ZPBP: variants seen among roughly 807,000 people sequenced by gnomAD.
The protein encoded by ZPBP is zona pellucida-binding protein 1.
Under a neutral mutation model 44.8 loss-of-function variants are expected in ZPBP, and 26 were observed. That is an observed-to-expected ratio of 0.58 (90% confidence interval 0.43 to 0.81). ZPBP has a LOEUF of 0.81. Among genes scored for constraint, ZPBP ranks in the 30% least tolerant of loss-of-function variants. The probability of loss-of-function intolerance (pLI) is 0.00; values close to 1 mark genes in which losing one functional copy is unlikely to be tolerated. For synonymous variants in ZPBP, 174 were observed against 153.2 expected, an observed-to-expected ratio of 1.14 and a Z score of -1.00; for missense variants, 409 against 434.0, an observed-to-expected ratio of 0.94 and a Z score of 0.51.
chr7:49,879,963 TTC>T (rs1791599034), intron 2 of ZPBP, among the ~76,000 whole-genome samples: 1 of 152,324 alleles, frequency 6.6e-6, no homozygotes, highest in East Asian at 1.9e-4. Context: ...AATTTCATTC[TTC>T]TCTCTGTTTT....
rs1487833906 is a variant in ZPBP at position 49,983,464 on chromosome 7, C to T, written c.839G>A (p.Arg280His). Residue 280 changes from arginine (R) to histidine (H), a missense_variant, in exon 7 of 8, where the codon CGT (arginine) becomes CAT (histidine). By Grantham distance (29) the Arg-to-His change is conservative. This residue lies in a region of ZPBP where 367 missense variants were observed against 363.1 expected (regional missense o/e 1.01). Transcript: ENST00000046087. ...GTATATTTGAGGTAATTGTTCTGCA[C>T]GTCTGCCAAGAATTTCTACTTGTTG... Reference protein sequence around the residue: ...FNQQVEILGRRAEQLPQIYYI... With the variant: ...FNQQVEILGRHAEQLPQIYYI... 12 of 1,610,704 alleles carry T rather than the reference C, an allele frequency of 7.5e-6. No individual in the cohort carries two copies. The highest frequency in any genetic ancestry group is 1.7e-5 in the Admixed American group (1 of 59,820).
At chr7:49,975,565 A>C (rs1796476299) in intron 7 of ZPBP, among the ~76,000 whole-genome samples, 1 of 152,166 alleles carries the variant, frequency 6.6e-6, no homozygotes, top group African/African-American at 2.4e-5. Context: ...TTCCCAGAAA[A>C]CAAAGTTTTC....
chr7:50,084,521 A>T lies in ZPBP; in HGVS notation c.209-2622T>A, dbSNP rs191346439. Among the ~76,000 whole-genome samples, 451 of 152,060 alleles carry T rather than the reference A, an allele frequency of 3.0e-3. 1 individual carries two copies. Among genetic ancestry groups the T allele is most frequent in the African/African-American group, 9.9e-3 (411 of 41,510 alleles). ...AATATGTAAAAGGCGAACGAGTTAA[A>T]AAGAGGGTCACAAATCTGAAAAGTG... On this transcript the variant is annotated intron_variant, in intron 2 of 7. Transcript: ENST00000046087.
intron 4 of ZPBP, among the ~76,000 whole-genome samples, chr7:50,044,829 C>A (rs912290917): frequency 6.6e-6 from 1 of 152,138 alleles, no homozygotes; most frequent in African/African-American, 2.4e-5. Flanking sequence ...CTGGCATACT[C>A]CTGATATCAA....
intron 1 of ZPBP, among the ~76,000 whole-genome samples, chr7:49,925,240 C>T (rs576468743): frequency 6.6e-6 from 1 of 152,288 alleles, no homozygotes; most frequent in South Asian, 2.1e-4. Context: ...ATAGTATGTA[C>T]AGATATAGTA....
At chr7:49,994,092 CT>C (rs1214025663) in intron 6 of ZPBP, among the ~76,000 whole-genome samples, 2 of 152,236 alleles carry the variant, frequency 1.3e-5, no homozygotes, top group Non-Finnish European at 2.9e-5. Flanking sequence ...AGCCAAACCA[CT>C]GGCGACAGCC....
intron 2 of ZPBP, among the ~76,000 whole-genome samples, chr7:49,854,322 C>T (rs1319818328): frequency 6.6e-6 from 1 of 152,198 alleles, no homozygotes; most frequent in Non-Finnish European, 1.5e-5. Flanking sequence ...AGTTTACAGT[C>T]CCACCAACAA....
At chr7:50,015,870 T>G (rs952273531) in intron 6 of ZPBP, among the ~76,000 whole-genome samples, 1 of 152,138 alleles carries the variant, frequency 6.6e-6, no homozygotes, top group African/African-American at 2.4e-5. Context: ...AGATAGCATC[T>G]CATACCAGTA....
chr7:50,074,774 T>C (rs768696109), intron 3 of ZPBP, among the ~76,000 whole-genome samples: 160 of 151,876 alleles, frequency 1.1e-3, no homozygotes, highest in Non-Finnish European at 1.9e-3. Context: ...ATAAAGAAAA[T>C]ATTATTAGAG....
chr7:50,064,612 T>A (rs1028426129), intron 3 of ZPBP, among the ~76,000 whole-genome samples: 1 of 152,192 alleles, frequency 6.6e-6, no homozygotes, highest in East Asian at 1.9e-4. Flanking sequence ...GAAAAAGAAT[T>A]AGAATTCAGT....
chr7:50,043,121 G>T (rs1214400301), intron 4 of ZPBP, among the ~76,000 whole-genome samples: 1 of 152,196 alleles, frequency 6.6e-6, no homozygotes, highest in East Asian at 1.9e-4. Flanking sequence ...GTGCCTTAAG[G>T]ACTTGCTCCT....
At chr7:50,013,891 C>T (rs895938585) in intron 6 of ZPBP, among the ~76,000 whole-genome samples, 2 of 152,004 alleles carry the variant, frequency 1.3e-5, no homozygotes, top group East Asian at 1.9e-4. Context: ...ATACCATCTG[C>T]TATATATGGC....
At chr7:50,015,961 G>A (rs1378227241) in intron 6 of ZPBP, among the ~76,000 whole-genome samples, 1 of 152,134 alleles carries the variant, frequency 6.6e-6, no homozygotes, top group Non-Finnish European at 1.5e-5. Flanking sequence ...TATACTGCTG[G>A]TGGGAATGTA....
At chr7:49,976,737 T>C (rs972499330) in intron 7 of ZPBP, among the ~76,000 whole-genome samples, 1 of 152,178 alleles carries the variant, frequency 6.6e-6, no homozygotes, top group Non-Finnish European at 1.5e-5. Context: ...CATGATATTG[T>C]TAATTCTTCA....
intron 2 of ZPBP, among the ~76,000 whole-genome samples, chr7:50,085,807 T>C (rs1562618576): frequency 6.6e-6 from 1 of 152,126 alleles, no homozygotes; most frequent in African/African-American, 2.4e-5. Flanking sequence ...GGGAATGTCA[T>C]ATCCACAGGA....
chr7:49,921,813 AT>A (rs962067303), intron 1 of ZPBP: 1 of 152,148 alleles, frequency 6.6e-6, no homozygotes, highest in African/African-American at 2.4e-5. Flanking sequence ...ATTTATATAT[AT>A]ATTTACCAGA....
At chr7:49,849,089 C>T (rs1790072256), downstream of ZPBP, among the ~76,000 whole-genome samples, 1 of 152,126 alleles carries the variant, frequency 6.6e-6, no homozygotes, top group Non-Finnish European at 1.5e-5. Context: ...CATTTCTTGT[C>T]CTACTGTACT....
chr7:50,020,230 A>T (rs1464096978), intron 5 of ZPBP, among the ~76,000 whole-genome samples: 1 of 152,100 alleles, frequency 6.6e-6, no homozygotes, highest in African/African-American at 2.4e-5. Flanking sequence ...TATGAGATTG[A>T]ATCATCACGA....
At chr7:49,842,108 T>C in the ZPBP span, among the ~76,000 whole-genome samples, 2 of 152,164 alleles carry the variant, frequency 1.3e-5, no homozygotes, top group East Asian at 1.9e-4. Flanking sequence ...CCTCAGGTGA[T>C]CCACCCTCCT....
Sources: gnomAD v4.1 joint callset for allele counts (sites outside exome capture counted in the v4.1 genomes callset) on GRCh38, gnomAD v4.1.1 for gene constraint, gnomAD v4.1.1 regional missense constraint, MANE v1.5 for transcripts, NCBI Gene and HGNC (gene_info 2026-07-23, HGNC 2026-07-21) for gene names.